METTL8: variants seen among roughly 807,000 people sequenced by gnomAD.
METTL8 encodes the protein tRNA N(3)-cytidine methyltransferase METTL8, mitochondrial.
A neutral mutation model predicts 48.7 loss-of-function variants in METTL8; 32 were observed. The ratio of observed to expected loss-of-function variants is 0.66; its 90% confidence interval spans 0.50 to 0.88. The LOEUF is 0.88. Ranked by LOEUF, METTL8 falls within the 40% of genes least tolerant of loss-of-function variation. The probability of loss-of-function intolerance (pLI) is 0.00; values close to 1 mark genes in which losing one functional copy is unlikely to be tolerated. For synonymous variants in METTL8, 136 were observed against 157.1 expected (o/e 0.87, Z 1.01); for missense variants, 464 against 474.4 (o/e 0.98, Z 0.20).
chr2:171,379,510 T>G (rs1687300819), intron 2 of METTL8, among the ~76,000 whole-genome samples: 2 of 149,260 alleles, frequency 1.3e-5, no homozygotes, highest in South Asian at 4.2e-4. Context: ...ATAGATAGAC[T>G]GCTAACTAGA....
chr2:171,365,108 G>A (rs1416704352), intron 2 of METTL8, among the ~76,000 whole-genome samples: 1 of 152,074 alleles, frequency 6.6e-6, no homozygotes, highest in African/African-American at 2.4e-5. Context: ...AGCCATGGGC[G>A]GCATCTGAGG....
intron 5 of METTL8, among the ~76,000 whole-genome samples, chr2:171,333,866 A>G (rs895270189): frequency 2.0e-5 from 3 of 152,220 alleles, no homozygotes; most frequent in Non-Finnish European, 4.4e-5. Context: ...ATCTTTAAAA[A>G]AAGAGATAAA....
intron 2 of METTL8, among the ~76,000 whole-genome samples, chr2:171,391,688 A>G (rs915993077): frequency 1.3e-5 from 2 of 152,172 alleles, no homozygotes; most frequent in African/African-American, 4.8e-5. Flanking sequence ...GCTGGATGAC[A>G]AGTATGAAAA....
In METTL8 at chr2:171,428,440, G is replaced by C. The variant is rs769099326; in HGVS notation, c.-13+5443C>G. ...GGAGGCTGAGGCGGGATGATCGCTTGAGCCCAGGAGTTCAGCACCAGCCTT... is the reference window on the plus strand; with the variant it reads ...GGAGGCTGAGGCGGGATGATCGCTTCAGCCCAGGAGTTCAGCACCAGCCTT... On this transcript the variant is annotated intron_variant, in intron 1 of 9. Coordinates refer to ENST00000375258, the MANE Select transcript of METTL8 (RefSeq NM_001321154.2). 4.0e-5 allele frequency among the ~76,000 whole-genome samples: 6 copies of C among 151,800 alleles called. No homozygotes were observed. In the South Asian group the frequency reaches 1.0e-3, roughly 26 times the overall value.
chr2:171,430,565 C>T (rs182181386), intron 1 of METTL8, among the ~76,000 whole-genome samples: 169 of 152,236 alleles, frequency 1.1e-3, no homozygotes, highest in African/African-American at 3.7e-3. Context: ...AGAAATTCTG[C>T]TATGGGTGTT....
At chr2:171,434,387 G>C (rs529221637), upstream of METTL8, 1 of 959,026 alleles carries the variant, frequency 1.0e-6, no homozygotes, top group African/African-American at 1.6e-5. Flanking sequence ...CGCTCTGGCG[G>C]TGCAAGCGGC....
At chr2:171,408,296 GT>G (rs373375150) in intron 1 of METTL8, among the ~76,000 whole-genome samples, 13,690 of 127,076 alleles carry the variant, frequency 0.11, 626 homozygotes, top group African/African-American at 0.19. Flanking sequence ...CAGTTTTTTT[GT>G]TTTTTTTTTT....
chr2:171,399,804 GGAAA>G (rs1689467839), intron 1 of METTL8, among the ~76,000 whole-genome samples: 1 of 152,044 alleles, frequency 6.6e-6, no homozygotes, highest in African/African-American at 2.4e-5. Context: ...TTTAATAAAA[GGAAA>G]GACTCCATAG....
Position 171,325,876 on chromosome 2 carries a change from C to G in METTL8, c.998G>C (p.Arg333Pro), listed in dbSNP as rs200150837. The part of the protein sequence containing the change: ...GHCLSENFYV[R>P]GDGTRAYFFT... Reference sequence around the variant, plus strand: ...GAAATATGCTCTGGTACCATCTCCTCGAACATAAAAATTTTCAGATAAACA... The same window carrying G: ...GAAATATGCTCTGGTACCATCTCCTGGAACATAAAAATTTTCAGATAAACA... Residue 333 changes from arginine to proline, a missense_variant, in exon 9 of 10, where the codon CGA (arginine) becomes CCA (proline). Arg to Pro is a moderately radical substitution (Grantham distance 103). Coordinates refer to ENST00000375258, the MANE Select transcript of METTL8 (RefSeq NM_001321154.2). 1,123 of 1,600,432 alleles carry G rather than the reference C, an allele frequency of 7.0e-4. 1 individual carries two copies. The highest frequency in any genetic ancestry group is 9.0e-4 in the Non-Finnish European group (1,055 of 1,171,360).
intron 1 of METTL8, among the ~76,000 whole-genome samples, chr2:171,410,000 TA>T (rs906750335): frequency 1.3e-5 from 2 of 151,996 alleles, no homozygotes; most frequent in Admixed American, 1.3e-4. Context: ...TATATAAACT[TA>T]AAAAAATCAA....
intron 4 of METTL8, among the ~76,000 whole-genome samples, chr2:171,338,297 T>C (rs189494151): frequency 2.2e-4 from 33 of 152,178 alleles, no homozygotes; most frequent in Admixed American, 1.8e-3. Flanking sequence ...TGATGCCATG[T>C]TAAATAGAAA....
chr2:171,370,647 C>T (rs576047435), intron 2 of METTL8, among the ~76,000 whole-genome samples: 4 of 151,988 alleles, frequency 2.6e-5, no homozygotes, highest in African/African-American at 4.8e-5. Flanking sequence ...AAAAATTAGC[C>T]GGGTGTGGTG....
At chr2:171,360,332 G>T in intron 3 of METTL8, 90 bp downstream of exon 3, 1 of 1,018,456 alleles carries the variant, frequency 9.8e-7, no homozygotes, top group South Asian at 1.5e-5. Context: ...GGCATCAGGA[G>T]AGGCTAAGAA....
intron 3 of METTL8, among the ~76,000 whole-genome samples, chr2:171,341,754 T>C (rs781577497): frequency 2.6e-5 from 4 of 152,006 alleles, no homozygotes; most frequent in Non-Finnish European, 5.9e-5. Context: ...AAGCAAGGTA[T>C]ATAACAGTGT....
rs560384240 is a variant in METTL8 at position 171,316,933 on chromosome 2, G to A, written c.*7239C>T. Among the ~76,000 whole-genome samples the A allele has an allele frequency of 1.6e-4, 25 of 152,306 alleles. No individual in the cohort carries two copies. Among genetic ancestry groups the A allele is most frequent in the African/African-American group, 4.1e-4 (17 of 41,570 alleles). On this transcript the variant is annotated 3_prime_UTR_variant, in exon 10 of 10. Coordinates refer to ENST00000375258, the MANE Select transcript of METTL8 (RefSeq NM_001321154.2). ...AGCAGGGCACAACTAAAGATGTAAG[G>A]AGAGCGATCGCATTCTTTACGCCAA...
At position 171,322,608 on chromosome 2, in the gene METTL8, G is replaced by A; in HGVS notation, c.*1564C>T. On this transcript the variant is annotated 3_prime_UTR_variant, in exon 10 of 10. Coordinates refer to ENST00000375258, the MANE Select transcript of METTL8 (RefSeq NM_001321154.2). ...AAAAAAAAAAAATTAGCTGGGCATG[G>A]TGGTGGGTGCTTGTAGTCCCAGCTA... 1 of 151,992 alleles carries A rather than the reference G, an allele frequency of 6.6e-6. No individual in the cohort carries two copies. Among genetic ancestry groups the A allele is most frequent in the Non-Finnish European group, 1.5e-5 (1 of 68,060 alleles). The allele number at this position is 151,992 out of a possible 1,614,324, so 9.4% of individuals were successfully genotyped here. A position where few individuals can be genotyped will look rare whatever the true frequency, so the allele number is the denominator to read the frequency against.
At chr2:171,432,909 AC>A (rs1355741492) in intron 1 of METTL8, 1 of 152,246 alleles carries the variant, frequency 6.6e-6, no homozygotes, top group Admixed American at 6.5e-5. Context: ...GGTCACAAAA[AC>A]ATCACCAAAC....
At chr2:171,410,188 G>A (rs1281239519) in intron 1 of METTL8, among the ~76,000 whole-genome samples, 1 of 152,196 alleles carries the variant, frequency 6.6e-6, no homozygotes, top group Non-Finnish European at 1.5e-5. Context: ...TAAGACAGTT[G>A]TTAAGAGCTC....
intron 1 of METTL8, among the ~76,000 whole-genome samples, chr2:171,427,908 T>C (rs905157581): frequency 1.3e-5 from 2 of 152,202 alleles, no homozygotes; most frequent in Non-Finnish European, 2.9e-5. Context: ...AACAAATGAC[T>C]TCCTATAGCT....
Sources: allele counts gnomAD v4.1 joint callset (sites outside exome capture counted in the v4.1 genomes callset), GRCh38; gene constraint gnomAD v4.1.1; transcripts MANE v1.5; gene names NCBI Gene and HGNC (gene_info 2026-07-23, HGNC 2026-07-21).